Variants in FAM13C observed in about 807,000 individuals in gnomAD.
The protein encoded by FAM13C is protein FAM13C.
Under a neutral mutation model 73.2 loss-of-function variants are expected in FAM13C, and 37 were observed. That is an observed-to-expected ratio of 0.51 (90% CI 0.39 to 0.67). The LOEUF (loss-of-function observed/expected upper bound fraction) is 0.67. FAM13C is among the 30% of genes least tolerant of loss of function. FAM13C has a pLI of 0.00. For missense variants in FAM13C, 589 were observed against 715.6 expected (o/e 0.82, Z 2.02); for synonymous variants, 246 against 260.9 (o/e 0.94, Z 0.55).
chr10:59,344,347 C>T (rs200564857), intron 3 of FAM13C, among the ~76,000 whole-genome samples: 3 of 150,658 alleles, frequency 2.0e-5, no homozygotes, highest in African/African-American at 4.9e-5. Context: ...AGCGCGATCT[C>T]GGCTCACTGC....
chr10:59,311,450 GC>G (rs1848908961), intron 4 of FAM13C, among the ~76,000 whole-genome samples: 1 of 152,174 alleles, frequency 6.6e-6, no homozygotes, highest in African/African-American at 2.4e-5. Context: ...AAGGCACTTT[GC>G]TTTCATCACC....
At chr10:59,257,529 A>C (rs138086052) in intron 10 of FAM13C, among the ~76,000 whole-genome samples, 10 of 152,350 alleles carry the variant, frequency 6.6e-5, no homozygotes, top group Non-Finnish European at 1.3e-4. Context: ...TAAGGAGAGA[A>C]GTAAAACTGA....
chr10:59,316,494 G>A (rs576288267), intron 4 of FAM13C, among the ~76,000 whole-genome samples: 6 of 152,166 alleles, frequency 3.9e-5, no homozygotes, highest in South Asian at 4.1e-4. Flanking sequence ...CCTTAGTGAC[G>A]GGGATGTATT....
In FAM13C at chr10:59,254,328, A is replaced by C. The variant is rs868678258; in HGVS notation, c.1332+20T>G. On this transcript the variant is annotated intron_variant, in intron 11 of 13. Transcript: ENST00000618804. ...CTACACATCAGTACAAAGTAACAGC[A>C]TGCAAGTATCCTGACTTACAATTGT... is the stretch of plus-strand genomic sequence containing the variant. 6.7e-7 allele frequency: 1 copy of C among 1,488,860 alleles called. No individual in the cohort carries two copies. Among genetic ancestry groups the C allele is most frequent in the Admixed American group, 1.9e-5 (1 of 52,558 alleles). The allele number at this position is 1,488,860 out of a possible 1,614,324, so 92.2% of individuals were successfully genotyped here.
At chr10:59,251,713 G>T in intron 12 of FAM13C, 37 bp from the exon 13 acceptor site, 2 of 1,452,712 alleles carry the variant, frequency 1.4e-6, no homozygotes, top group South Asian at 1.3e-5. Context: ...ACTGGGCACT[G>T]GCATAATTGA....
intron 3 of FAM13C, among the ~76,000 whole-genome samples, chr10:59,346,236 T>C (rs1357902908): frequency 6.6e-6 from 1 of 152,198 alleles, no homozygotes; most frequent in Non-Finnish European, 1.5e-5. Flanking sequence ...ACTATTGTCC[T>C]TATTTTAATT....
chr10:59,317,348 C>T (rs2133976181), intron 4 of FAM13C, among the ~76,000 whole-genome samples: 1 of 152,262 alleles, frequency 6.6e-6, no homozygotes, highest in African/African-American at 2.4e-5. Flanking sequence ...TATACATTCT[C>T]TGTCTCCTAT....
At chr10:59,319,681 T>C (rs923556077) in intron 4 of FAM13C, among the ~76,000 whole-genome samples, 15 of 152,288 alleles carry the variant, frequency 9.8e-5, no homozygotes, top group Non-Finnish European at 1.9e-4. Flanking sequence ...CTTGGTTCTA[T>C]TAGTAAGGGA....
intron 4 of FAM13C, among the ~76,000 whole-genome samples, chr10:59,316,790 G>T (rs1589582162): frequency 6.6e-6 from 1 of 152,150 alleles, no homozygotes; most frequent in African/African-American, 2.4e-5. Context: ...GTTATTATGT[G>T]GTACATGACT....
chr10:59,287,347 A>C (rs1047133772), intron 5 of FAM13C, among the ~76,000 whole-genome samples: 2 of 150,670 alleles, frequency 1.3e-5, no homozygotes, highest in African/African-American at 2.4e-5. Context: ...AAAAAAAAAA[A>C]AAAAAAAAAA....
At chr10:59,354,067 C>CTTTA (rs147124505) in intron 2 of FAM13C, among the ~76,000 whole-genome samples, 4,816 of 152,264 alleles carry the variant, frequency 0.032, 151 homozygotes, top group South Asian at 0.12. Flanking sequence ...GAACAGCTGC[C>CTTTA]TTTACAGTTA....
chr10:59,343,457 G>T (rs1024341979), intron 3 of FAM13C, among the ~76,000 whole-genome samples: 3 of 152,170 alleles, frequency 2.0e-5, no homozygotes, highest in Non-Finnish European at 4.4e-5. Context: ...GCTACTTTGA[G>T]TAGAGGATGT....
chr10:59,279,124 T>G (rs989040404), intron 6 of FAM13C, among the ~76,000 whole-genome samples: 1 of 152,266 alleles, frequency 6.6e-6, no homozygotes, highest in Non-Finnish European at 1.5e-5. Flanking sequence ...AAAGTATTAC[T>G]GAACCTTCTT....
At chr10:59,312,128 C>A (rs1040388823) in intron 4 of FAM13C, among the ~76,000 whole-genome samples, 1 of 151,890 alleles carries the variant, frequency 6.6e-6, no homozygotes, top group Non-Finnish European at 1.5e-5. Flanking sequence ...GGTGGGGGTG[C>A]GGAATTTAAA....
At chr10:59,345,974 G>C (rs1854240420) in intron 3 of FAM13C, among the ~76,000 whole-genome samples, 1 of 152,152 alleles carries the variant, frequency 6.6e-6, no homozygotes, top group Admixed American at 6.5e-5. Flanking sequence ...TGCAAGAATA[G>C]AGCCCTCAAA....
chr10:59,317,567 A>G (rs974462297), intron 4 of FAM13C, among the ~76,000 whole-genome samples: 1 of 152,098 alleles, frequency 6.6e-6, no homozygotes, highest in Non-Finnish European at 1.5e-5. Flanking sequence ...AATTTGTTCA[A>G]TTTAGCCATA....
intron 8 of FAM13C, among the ~76,000 whole-genome samples, chr10:59,264,845 A>C (rs1449336457): frequency 2.0e-5 from 3 of 152,168 alleles, no homozygotes; most frequent in African/African-American, 7.2e-5. Context: ...TAAACAAGTC[A>C]AGGCTACCAT....
At chr10:59,267,478 A>G (rs1843191108) in intron 8 of FAM13C, among the ~76,000 whole-genome samples, 1 of 152,138 alleles carries the variant, frequency 6.6e-6, no homozygotes, top group African/African-American at 2.4e-5. Flanking sequence ...GACAATAAAT[A>G]GCTGTGACTG....
At chr10:59,348,696 T>C (rs191637813) in intron 3 of FAM13C, among the ~76,000 whole-genome samples, 2 of 152,304 alleles carry the variant, frequency 1.3e-5, no homozygotes, top group African/African-American at 4.8e-5. Flanking sequence ...TGAAGTGCAG[T>C]GGCATGATCT....
Sources: gnomAD v4.1 joint callset for allele counts (sites outside exome capture counted in the v4.1 genomes callset) on GRCh38, gnomAD v4.1.1 for gene constraint, MANE v1.5 for transcripts, NCBI Gene and HGNC (gene_info 2026-07-23, HGNC 2026-07-21) for gene names.